Variants in SDF2 observed in about 807,000 individuals in gnomAD.
SDF2 encodes the protein stromal cell-derived factor 2.
SDF2 carries 12 observed loss-of-function variants against 20.5 expected under a neutral mutation model. The ratio of observed to expected loss-of-function variants is 0.58; its 90% CI spans 0.37 to 0.95. SDF2 has a LOEUF of 0.95. Ranked by LOEUF, SDF2 falls within the 40% of genes least tolerant of loss-of-function variation. The pLI, the probability that SDF2 is intolerant of heterozygous loss-of-function variation, is 0.01. For missense variants in SDF2, 238 were observed against 263.1 expected (o/e 0.90, Z 0.66); for synonymous variants, 100 against 101.0 (o/e 0.99, Z 0.06).
chr17:28,660,206 T>C (rs1016734641), intron 1 of SDF2, among the ~76,000 whole-genome samples: 2 of 152,020 alleles, frequency 1.3e-5, no homozygotes, highest in African/African-American at 2.4e-5. Flanking sequence ...GGCAGTACAG[T>C]CCAGCCTCGG....
At position 28,661,732 on chromosome 17, in the gene SDF2, CA is replaced by C; in HGVS notation, c.144del (p.Tyr48Ter). Reference sequence around the variant, plus strand: ...GCCCGGTCCCCAGCATTACCTGACCCATAGCGCACGTCGTGTGAGTGCAGTC... The same window carrying C: ...GCCCGGTCCCCAGCATTACCTGACCCTAGCGCACGTCGTGTGAGTGCAGTC... ...NVRLHSHDVR[Y>X]GSGSGQQSVT... On this transcript the variant is annotated frameshift_variant, in exon 1 of 3. Coordinates refer to ENST00000247020, the MANE Select transcript of SDF2 (RefSeq NM_006923.4). LOFTEE classifies it high-confidence loss of function. The C allele has an allele frequency of 6.2e-7, 1 of 1,613,474 alleles. No homozygotes were observed. Among genetic ancestry groups the C allele is most frequent in the Middle Eastern group, 1.7e-4 (1 of 6,060 alleles).
rs2071885876 is a variant in SDF2, at chr17:28,648,681, A to C, written c.*308T>G. 1 of 397,142 alleles carries C rather than the reference A, an allele frequency of 2.5e-6. No individual in the cohort carries two copies. Among genetic ancestry groups the C allele is most frequent in the African/African-American group, 2.0e-5 (1 of 50,004 alleles). 24.6% of individuals were successfully genotyped at this position (397,142 alleles called of 1,614,324 possible). A position where few individuals can be genotyped will look rare whatever the true frequency, so the allele number is the denominator to read the frequency against. ...AGTCCATGATGCCAAGCTCCTGAAG[A>C]GTAAAAGTTTCCCAGCTAAGAGGGA... On this transcript the variant is annotated 3_prime_UTR_variant, in exon 3 of 3. Coordinates refer to ENST00000247020, the MANE Select transcript of SDF2 (RefSeq NM_006923.4).
chr17:28,656,655 G>A (rs748472357), intron 1 of SDF2, among the ~76,000 whole-genome samples: 1 of 152,126 alleles, frequency 6.6e-6, no homozygotes, highest in Admixed American at 6.5e-5. Context: ...ATACTTAAGG[G>A]TATGTCATAT....
At chr17:28,655,965 A>G (rs2071958502) in intron 1 of SDF2, 1 of 157,178 alleles carries the variant, frequency 6.4e-6, no homozygotes, top group East Asian at 1.9e-4. Flanking sequence ...GTGACTGTGT[A>G]CTTCAAATGC....
chr17:28,655,466 C>A lies in SDF2; in HGVS notation c.169G>T (p.Val57Leu). 6.2e-7 allele frequency: 1 copy of A among 1,605,026 alleles called. No individual in the cohort carries two copies. The highest frequency in any genetic ancestry group is 8.5e-7 in the Non-Finnish European group (1 of 1,174,886). The change falls in exon 2 of 3, where the codon GTG becomes TTG. Residue 57 changes from valine (V) to leucine (L), a missense_variant. Physicochemically the swap from Val to Leu is conservative, Grantham distance 32. Transcript: ENST00000247020. ...TCATCCACAGAGGTTACACCTGTCA[C>A]TGACTGCTGCCCACTACCTGCAGTT... ...RYGSGSGQQS[V>L]TGVTSVDDSN... is the part of the protein sequence containing the mutation.
intron 2 of SDF2, among the ~76,000 whole-genome samples, chr17:28,649,917 T>A (rs1458846424): frequency 7.2e-6 from 1 of 138,444 alleles, no homozygotes; most frequent in Non-Finnish European, 1.5e-5. Context: ...AAAAAAAAAA[T>A]TCAGCTGCTT....
At chr17:28,661,419 T>C (rs1013083782) in intron 1 of SDF2, among the ~76,000 whole-genome samples, 1 of 152,228 alleles carries the variant, frequency 6.6e-6, no homozygotes, top group Non-Finnish European at 1.5e-5. Context: ...GAATAAACGA[T>C]TTAATTTCTC....
At chr17:28,659,678 AG>A (rs1275796619) in intron 1 of SDF2, among the ~76,000 whole-genome samples, 13 of 121,916 alleles carry the variant, frequency 1.1e-4, no homozygotes, top group Non-Finnish European at 8.4e-5. Context: ...CATCCCAGAC[AG>A]GGTGATGGCC....
intron 2 of SDF2, among the ~76,000 whole-genome samples, chr17:28,652,148 C>G (rs529315097): frequency 6.6e-6 from 1 of 151,514 alleles, no homozygotes; most frequent in Non-Finnish European, 1.5e-5. Context: ...AGCCACTGCA[C>G]TCCAGCCTGA....
At chr17:28,650,828 AAAAC>A (rs1232364791) in intron 2 of SDF2, among the ~76,000 whole-genome samples, 2 of 151,394 alleles carry the variant, frequency 1.3e-5, no homozygotes, top group Non-Finnish European at 2.9e-5. Context: ...AAAAAAAAAA[AAAAC>A]AGTTAGGGTA....
intron 2 of SDF2, among the ~76,000 whole-genome samples, chr17:28,650,472 CTTTTT>C (rs910535322): frequency 6.7e-6 from 1 of 148,356 alleles, no homozygotes; most frequent in African/African-American, 2.5e-5. Flanking sequence ...AACAGAATTT[CTTTTT>C]TTTTTCTTTT....
At chr17:28,658,301 G>A (rs12942742) in intron 1 of SDF2, among the ~76,000 whole-genome samples, 24 of 150,002 alleles carry the variant, frequency 1.6e-4, no homozygotes, top group South Asian at 6.3e-4. Context: ...GGTGTTTCTC[G>A]GAGAGGGGGA....
chr17:28,658,930 C>T (rs982006670), intron 1 of SDF2, among the ~76,000 whole-genome samples: 1 of 147,922 alleles, frequency 6.8e-6, no homozygotes, highest in Non-Finnish European at 1.5e-5. Flanking sequence ...GAGCTCCTCA[C>T]TTAACAGACT....
intron 2 of SDF2, among the ~76,000 whole-genome samples, chr17:28,654,828 C>T (rs1245059880): frequency 3.3e-5 from 5 of 152,092 alleles, no homozygotes; most frequent in Non-Finnish European, 7.3e-5. Flanking sequence ...TGGTGGCACA[C>T]GCCTGTAGTC....
At chr17:28,658,231 C>T (rs8076076) in intron 1 of SDF2, among the ~76,000 whole-genome samples, 3,244 of 150,874 alleles carry the variant, frequency 0.022, 103 homozygotes, top group African/African-American at 0.075. Context: ...TATGCCTGGC[C>T]TTCATCTGTT....
chr17:28,661,116 G>A (rs1050537018), intron 1 of SDF2: 6 of 397,210 alleles, frequency 1.5e-5, no homozygotes, highest in Non-Finnish European at 2.4e-5. Flanking sequence ...AGTTTTCTCT[G>A]CAATTCCTGT....
intron 2 of SDF2, among the ~76,000 whole-genome samples, chr17:28,652,072 G>C (rs979314175): frequency 2.6e-5 from 4 of 152,076 alleles, no homozygotes; most frequent in African/African-American, 9.7e-5. Context: ...TTGGAAGGCT[G>C]ACGCAAGAGG....
intron 1 of SDF2, 53 bp from the exon 2 acceptor site, chr17:28,655,536 T>C (rs996325100): frequency 5.4e-6 from 8 of 1,480,284 alleles, no homozygotes; most frequent in African/African-American, 1.4e-5. Context: ...GACAACATGC[T>C]CAGAGACAGA....
intron 1 of SDF2, among the ~76,000 whole-genome samples, chr17:28,658,257 T>G (rs867238300): frequency 1.3e-5 from 2 of 152,168 alleles, no homozygotes; most frequent in South Asian, 2.1e-4. Context: ...CTGTAGTTTT[T>G]TTTTTTTTTT....
Sources: allele counts gnomAD v4.1 joint callset (sites outside exome capture counted in the v4.1 genomes callset), GRCh38; gene constraint gnomAD v4.1.1; transcripts MANE v1.5; gene names NCBI Gene and HGNC (gene_info 2026-07-23, HGNC 2026-07-21).